The following PRKAA1 variants were observed in gnomAD, a reference collection of about 807,000 sequenced individuals.
The protein encoded by PRKAA1 is protein kinase AMP-activated catalytic subunit alpha 1, also known as 5'-AMP-activated protein kinase catalytic subunit alpha-1.
Under a neutral mutation model 56.9 loss-of-function variants are expected in PRKAA1, and 23 were observed. The observed-to-expected ratio is 0.40, with a 90% CI of 0.29 to 0.57. PRKAA1 has a LOEUF of 0.57. PRKAA1 is among the 20% of genes least tolerant of loss of function. The pLI is 0.39. For synonymous variants in PRKAA1, 226 were observed against 227.0 expected, an observed-to-expected ratio of 1.00 and a Z score of 0.04; for missense variants, 413 against 679.7, an observed-to-expected ratio of 0.61 and a Z score of 4.36.
chr5:40,785,822 GCA>G (rs147705979), intron 1 of PRKAA1, among the ~76,000 whole-genome samples: 5,200 of 92,848 alleles, frequency 0.056, 91 homozygotes, highest in Middle Eastern at 0.084. Flanking sequence ...GAAGAGGAGA[GCA>G]CACACACACA....
At chr5:40,786,254 CAA>C (rs35972942) in intron 1 of PRKAA1, among the ~76,000 whole-genome samples, 57 of 123,784 alleles carry the variant, frequency 4.6e-4, no homozygotes, top group Non-Finnish European at 4.5e-4. Context: ...GACTCCGTCT[CAA>C]AAAAAAAAAA....
chr5:40,795,913 A>C (rs1024321204), intron 1 of PRKAA1, among the ~76,000 whole-genome samples: 14 of 152,220 alleles, frequency 9.2e-5, no homozygotes, highest in African/African-American at 2.9e-4. Context: ...AAGAAACAGC[A>C]AAGTCACTGG....
intron 4 of PRKAA1, among the ~76,000 whole-genome samples, chr5:40,769,825 G>C (rs1475625175): frequency 1.5e-5 from 2 of 130,564 alleles, no homozygotes; most frequent in African/African-American, 2.9e-5. Context: ...ATCTATAACA[G>C]ATGAATAGAA....
Position 40,777,446 on chromosome 5 carries a change from G to A in PRKAA1, c.268C>T (p.Leu90=). 3 of 1,609,834 alleles carry A rather than the reference G, an allele frequency of 1.9e-6. No homozygotes were observed. Among genetic ancestry groups the A allele is most frequent in the Non-Finnish European group, 2.5e-6 (3 of 1,176,960 alleles). Residue 90 remains leucine, a splice_region_variant and synonymous_variant, in exon 2 of 9, where the codon CTG becomes TTG. Coordinates refer to ENST00000397128, the MANE Select transcript of PRKAA1 (RefSeq NM_006251.6). The stretch of plus-strand genomic sequence containing the variant: ...ATATTTAATATAAACAGAGCTTACA[G>A]TTTAATTATATGAGGATGCCTGAAA... The part of the protein sequence containing the change: ...KLFRHPHIIK[L]YQVISTPSDI...
intron 1 of PRKAA1, among the ~76,000 whole-genome samples, chr5:40,797,492 G>A (rs1169309573): frequency 1.3e-5 from 2 of 152,164 alleles, no homozygotes; most frequent in Admixed American, 6.5e-5. Flanking sequence ...GATCCTTTCC[G>A]ACGACATGGT....
intron 1 of PRKAA1, among the ~76,000 whole-genome samples, chr5:40,782,113 G>A (rs1300149939): frequency 6.6e-6 from 1 of 152,088 alleles, no homozygotes; most frequent in African/African-American, 2.4e-5. Flanking sequence ...CCACAATACT[G>A]GATAATACTG....
In PRKAA1 at chr5:40,777,535, C is replaced by T. The variant is rs780617578; in HGVS notation, c.179G>A (p.Arg60Gln). 28 of 1,613,418 alleles carry T rather than the reference C, an allele frequency of 1.7e-5. No individual in the cohort carries two copies. The highest frequency in any genetic ancestry group is 2.3e-5 in the Non-Finnish European group (27 of 1,179,480). Residue 60 changes from arginine (R) to glutamine (Q), a missense_variant, in exon 2 of 9, where the codon CGA becomes CAA. Coordinates refer to ENST00000397128, the MANE Select transcript of PRKAA1 (RefSeq NM_006251.6). ...CACATCAAGGCTCCGAATCTTCTGT[C>T]GATTGAGTATCTTCACAGCTACTTT... ...GHKVAVKILN[R>Q]QKIRSLDVVG...
chr5:40,793,976 T>A (rs540224274), intron 1 of PRKAA1, among the ~76,000 whole-genome samples: 16 of 152,066 alleles, frequency 1.1e-4, no homozygotes, highest in African/African-American at 3.9e-4. Context: ...GTGGCACACG[T>A]CTGTAATCCC....
At chr5:40,787,969 A>G (rs746961754) in intron 1 of PRKAA1, among the ~76,000 whole-genome samples, 1 of 152,212 alleles carries the variant, frequency 6.6e-6, no homozygotes, top group Non-Finnish European at 1.5e-5. Context: ...CATAAAGGAC[A>G]CTCATAGACT....
At chr5:40,780,762 T>C (rs1744236478) in intron 1 of PRKAA1, among the ~76,000 whole-genome samples, 1 of 152,122 alleles carries the variant, frequency 6.6e-6, no homozygotes. Context: ...AGGCAACAAT[T>C]TGTTTTCTCT....
intron 1 of PRKAA1, among the ~76,000 whole-genome samples, chr5:40,778,590 T>C (rs995007809): frequency 1.3e-5 from 2 of 152,056 alleles, no homozygotes; most frequent in Non-Finnish European, 2.9e-5. Context: ...TTAAAACATA[T>C]AGAAATTGGT....
chr5:40,764,806 A>G lies in PRKAA1; in HGVS notation c.1254T>C (p.Asn418=). ...HLGIRSQSRP[N]DIMAEVCRAI... is the part of the protein sequence containing the mutation. ...CTCTACATACTTCTGCCATAATATC[A>G]TTTGGTCGACTTTGACTTCTAATTC... Residue 418 remains asparagine (N), a synonymous_variant, in exon 7 of 9, where the codon AAT becomes AAC. Coordinates refer to ENST00000397128, the MANE Select transcript of PRKAA1 (RefSeq NM_006251.6). 6.2e-7 allele frequency: 1 copy of G among 1,613,894 alleles called. No homozygotes were observed. Among genetic ancestry groups the G allele is most frequent in the Non-Finnish European group, 8.5e-7 (1 of 1,179,832 alleles).
intron 1 of PRKAA1, among the ~76,000 whole-genome samples, chr5:40,793,098 A>C (rs1744783964): frequency 6.6e-6 from 1 of 152,036 alleles, no homozygotes; most frequent in Admixed American, 6.6e-5. Context: ...AAAAAAAAGA[A>C]ATACTTGCCA....
intron 1 of PRKAA1, among the ~76,000 whole-genome samples, chr5:40,778,820 T>G (rs1167840596): frequency 7.5e-6 from 1 of 132,924 alleles, no homozygotes; most frequent in Non-Finnish European, 1.6e-5. Flanking sequence ...AGGGTGTCAC[T>G]CTATCACCCA....
rs774750291 is a variant in PRKAA1, at chr5:40,762,811, C to T, written c.1647G>A (p.Met549Ile). ...CAAGAATTTTAATTAGATTTGCACA[C>T]ATCTCAAAAAATTCTATTGTGTGAC... The part of the protein sequence containing the change: ...PGSHTIEFFE[M>I]CANLIKILAQ Residue 549 changes from methionine (M) to isoleucine (I), a missense_variant, in exon 9 of 9, where the codon ATG (methionine) becomes ATA (isoleucine). Met to Ile is a conservative substitution (Grantham distance 10). Transcript: ENST00000397128. 1.5e-5 allele frequency: 25 copies of T among 1,614,014 alleles called. No homozygotes were observed. Among genetic ancestry groups the T allele is most frequent in the Non-Finnish European group, 2.1e-5 (25 of 1,179,986 alleles).
intron 1 of PRKAA1, among the ~76,000 whole-genome samples, chr5:40,783,684 G>A (rs546225155): frequency 2.6e-5 from 4 of 152,170 alleles, no homozygotes; most frequent in South Asian, 2.1e-4. Flanking sequence ...GCTTGAACCC[G>A]AGAGGCGGAG....
rs551347552 is a variant in PRKAA1 at position 40,798,169 on chromosome 5, C to T, written c.21G>A (p.Trp7Ter). The T allele has an allele frequency of 1.3e-6, 2 of 1,588,272 alleles. No homozygotes were observed. The highest frequency in any genetic ancestry group is 1.1e-5 in the South Asian group (1 of 90,210). ...GCTTCTCGGCTGTCGCCATCTTTCT[C>T]CAGGAACTGAGTCTGCGCATGGCGC... MRRLSS[W>*]RKMATAEKQK... Residue 7 changes from tryptophan (W) to a stop codon, truncating the protein, a stop_gained, in exon 1 of 9, where the codon TGG (tryptophan) becomes TGA (stop). Coordinates refer to ENST00000397128, the MANE Select transcript of PRKAA1 (RefSeq NM_006251.6). LOFTEE classifies it high-confidence loss of function.
intron 4 of PRKAA1, 99 bp downstream of exon 4, chr5:40,771,620 A>T: frequency 8.3e-7 from 1 of 1,203,626 alleles, no homozygotes; most frequent in Non-Finnish European, 1.2e-6. Context: ...CTATTACTTT[A>T]TGTAATCTTT....
In PRKAA1 at chr5:40,760,775, G is replaced by T. The variant is rs1356988451; in HGVS notation, c.*2003C>A. ...ATTTATGCAAGCTATCATGACATTT[G>T]AGTTCATTATCATCTGGTTACATAA... On this transcript the variant is annotated 3_prime_UTR_variant, in exon 9 of 9. Coordinates refer to ENST00000397128, the MANE Select transcript of PRKAA1 (RefSeq NM_006251.6). The T allele has an allele frequency of 6.6e-6, 1 of 152,634 alleles. No individual in the cohort carries two copies. The highest frequency in any genetic ancestry group is 1.5e-5 in the Non-Finnish European group (1 of 67,978). The allele number at this position is 152,634 out of a possible 1,614,324, so 9.5% of individuals were successfully genotyped here.
Sources: gnomAD v4.1 joint callset for allele counts (sites outside exome capture counted in the v4.1 genomes callset) on GRCh38, gnomAD v4.1.1 for gene constraint, MANE v1.5 for transcripts, NCBI Gene and HGNC (gene_info 2026-07-23, HGNC 2026-07-21) for gene names.